KIF26B: variants seen among roughly 807,000 people sequenced by gnomAD.
The protein encoded by KIF26B is kinesin family member 26B.
In KIF26B, 63 loss-of-function variants were observed where a neutral mutation model predicts 151.2. The ratio of observed to expected loss-of-function variants is 0.42; its 90% CI spans 0.34 to 0.51. KIF26B has a LOEUF of 0.51. Among genes scored for constraint, KIF26B ranks in the 20% least tolerant of loss-of-function variants. The pLI, the probability that KIF26B is intolerant of heterozygous loss-of-function variation, is 0.07. For synonymous variants in KIF26B, 1,357 were observed against 1,262.1 expected (o/e 1.08, Z -1.59); for missense variants, 2,813 against 2,913.6 (o/e 0.97, Z 0.79).
intron 4 of KIF26B, among the ~76,000 whole-genome samples, chr1:245,539,287 T>G (rs530639162): frequency 6.6e-6 from 1 of 152,178 alleles, no homozygotes; most frequent in South Asian, 2.1e-4. Flanking sequence ...CACTTAATGA[T>G]ACAGAATTAA....
At chr1:245,519,127 T>C (rs963486597) in intron 4 of KIF26B, among the ~76,000 whole-genome samples, 6 of 152,238 alleles carry the variant, frequency 3.9e-5, no homozygotes, top group Non-Finnish European at 7.3e-5. Context: ...GATGGAAACT[T>C]ATTTCCTAGT....
At chr1:245,491,361 G>C (rs763873031) in intron 4 of KIF26B, among the ~76,000 whole-genome samples, 1 of 152,140 alleles carries the variant, frequency 6.6e-6, no homozygotes, top group South Asian at 2.1e-4. Flanking sequence ...CTGCATTGTT[G>C]TCTGTTATGC....
intron 4 of KIF26B, among the ~76,000 whole-genome samples, chr1:245,486,218 T>G (rs549932329): frequency 6.6e-6 from 1 of 152,250 alleles, no homozygotes; most frequent in African/African-American, 2.4e-5. Flanking sequence ...CTGAAACTGC[T>G]TCAGTAAGCA....
intron 2 of KIF26B, among the ~76,000 whole-genome samples, chr1:245,349,945 C>T (rs1230352465): frequency 1.3e-5 from 2 of 152,166 alleles, no homozygotes. Flanking sequence ...TTTACAAGAT[C>T]ATACTCCCAA....
chr1:245,217,239 G>C (rs796487889), intron 2 of KIF26B, among the ~76,000 whole-genome samples: 5 of 152,254 alleles, frequency 3.3e-5, no homozygotes, highest in African/African-American at 1.2e-4. Context: ...ACCCAATTTA[G>C]CAGTGAAACA....
intron 4 of KIF26B, among the ~76,000 whole-genome samples, chr1:245,447,803 C>G (rs1044536531): frequency 6.6e-6 from 1 of 152,200 alleles, no homozygotes; most frequent in Non-Finnish European, 1.5e-5. Context: ...TAAACTACCC[C>G]TTAATCTACA....
intron 5 of KIF26B, among the ~76,000 whole-genome samples, chr1:245,591,951 ACTCC>A (rs2043292950): frequency 6.6e-6 from 1 of 150,758 alleles, no homozygotes; most frequent in African/African-American, 2.4e-5. Context: ...CTTGGTTTCA[ACTCC>A]CTCCCTCCAG....
At chr1:245,593,889 T>C (rs1441288992) in intron 5 of KIF26B, among the ~76,000 whole-genome samples, 1 of 152,252 alleles carries the variant, frequency 6.6e-6, no homozygotes, top group Non-Finnish European at 1.5e-5. Context: ...TGGTATCTCA[T>C]TGTGGTGTTG....
chr1:245,403,724 C>G (rs1162291801), intron 3 of KIF26B, among the ~76,000 whole-genome samples: 1 of 152,186 alleles, frequency 6.6e-6, no homozygotes, highest in East Asian at 1.9e-4. Flanking sequence ...ATGTTTCACT[C>G]TTGCCAACGT....
At position 245,543,399 on chromosome 1, in the gene KIF26B, T is replaced by A. The variant is rs183003631; in HGVS notation, c.1350+2449T>A. On this transcript the variant is annotated intron_variant, in intron 5 of 14. Transcript: ENST00000407071. ...CTAAAGTTTGCATTTCACACTTTTT[T>A]AAAAAAATTAAAGATATCTCTCTCA... is the stretch of plus-strand genomic sequence containing the variant. 9.0e-3 allele frequency among the ~76,000 whole-genome samples: 1,371 copies of A among 152,334 alleles called. 15 individuals carry two copies. Among genetic ancestry groups the A allele is most frequent in the African/African-American group, 0.031 (1,302 of 41,562 alleles).
intron 4 of KIF26B, among the ~76,000 whole-genome samples, chr1:245,535,891 A>G (rs532010220): frequency 3.9e-5 from 6 of 152,330 alleles, no homozygotes; most frequent in African/African-American, 1.4e-4. Context: ...ATTCTCATAA[A>G]AAGTCTAAAA....
At chr1:245,524,183 A>T (rs1212308086) in intron 4 of KIF26B, among the ~76,000 whole-genome samples, 1 of 152,348 alleles carries the variant, frequency 6.6e-6, no homozygotes, top group Non-Finnish European at 1.5e-5. Context: ...ATCACAAAGG[A>T]GTAAAAGATA....
chr1:245,177,908 G>C (rs1261057715), intron 2 of KIF26B, among the ~76,000 whole-genome samples: 1 of 152,062 alleles, frequency 6.6e-6, no homozygotes, highest in Admixed American at 6.5e-5. Flanking sequence ...AGGGTTTTTT[G>C]TTTAGAGAGA....
chr1:245,511,642 A>G (rs532659062), intron 4 of KIF26B, among the ~76,000 whole-genome samples: 6 of 152,280 alleles, frequency 3.9e-5, no homozygotes, highest in African/African-American at 1.2e-4. Flanking sequence ...AATGTTGACT[A>G]TGTTTCCTGT....
chr1:245,576,962 A>G (rs2043124327), intron 5 of KIF26B, among the ~76,000 whole-genome samples: 1 of 152,184 alleles, frequency 6.6e-6, no homozygotes, highest in Admixed American at 6.5e-5. Flanking sequence ...CTTATTACTG[A>G]TAAGAGCTAC....
At chr1:245,547,043 A>G (rs766876017) in intron 5 of KIF26B, among the ~76,000 whole-genome samples, 1 of 152,344 alleles carries the variant, frequency 6.6e-6, no homozygotes, top group Admixed American at 6.5e-5. Context: ...CAGCCTCTGG[A>G]CAGCACATGC....
chr1:245,299,588 C>T (rs1444281146), intron 2 of KIF26B, among the ~76,000 whole-genome samples: 1 of 152,122 alleles, frequency 6.6e-6, no homozygotes, highest in African/African-American at 2.4e-5. Context: ...TCAGTTCTTA[C>T]AACAGTCCTG....
intron 2 of KIF26B, among the ~76,000 whole-genome samples, chr1:245,263,879 C>T (rs1026467578): frequency 1.3e-5 from 2 of 152,338 alleles, no homozygotes; most frequent in Non-Finnish European, 2.9e-5. Context: ...GTTCTTTTGT[C>T]ATCTTGTGGT....
chr1:245,390,612 A>G (rs548274703), intron 3 of KIF26B, among the ~76,000 whole-genome samples: 32 of 152,254 alleles, frequency 2.1e-4, no homozygotes, highest in African/African-American at 5.8e-4. Context: ...CATTAGTTGC[A>G]AGCTCTACTA....
Sources: gnomAD v4.1 joint callset for allele counts (sites outside exome capture counted in the v4.1 genomes callset) on GRCh38, gnomAD v4.1.1 for gene constraint, MANE v1.5 for transcripts, NCBI Gene and HGNC (gene_info 2026-07-23, HGNC 2026-07-21) for gene names.